Variants in RERE observed in about 807,000 individuals in gnomAD.
The protein encoded by RERE is arginine-glutamic acid dipeptide repeats protein.
In RERE, 40 loss-of-function variants were observed where a neutral mutation model predicts 146.1. That is an observed-to-expected ratio of 0.27 (90% confidence interval 0.21 to 0.36). The LOEUF (loss-of-function observed/expected upper bound fraction) is 0.36, where lower values mean the gene tolerates loss of function less well. Among genes scored for constraint, RERE ranks in the 10% least tolerant of loss-of-function variants. The probability of loss-of-function intolerance (pLI) is 1.00; values close to 1 mark genes in which losing one functional copy is unlikely to be tolerated. For synonymous variants in RERE, 1,003 were observed against 866.0 expected, an observed-to-expected ratio of 1.16 and a Z score of -2.78; for missense variants, 1,933 against 2,138.7, an observed-to-expected ratio of 0.90 and a Z score of 1.90.
intron 7 of RERE, among the ~76,000 whole-genome samples, chr1:8,510,434 A>C (rs547804023): frequency 5.9e-5 from 9 of 152,290 alleles, no homozygotes; most frequent in African/African-American, 1.7e-4. Flanking sequence ...TTCATCATAC[A>C]AGTCATCTTC....
rs1206229282 is a variant in RERE, at chr1:8,353,255, A to T, written c.*1832T>A. The T allele has an allele frequency of 6.6e-6, 1 of 152,434 alleles. No individual in the cohort carries two copies. Among genetic ancestry groups the T allele is most frequent in the African/African-American group, 2.4e-5 (1 of 41,482 alleles). The allele number at this position is 152,434 out of a possible 1,614,324, so 9.4% of individuals were successfully genotyped here. ...AAAAAAAACTAGAAACATTTTCAACAGACAAAACAAGCCTATCCCAACTGA... is the reference window on the plus strand; with the variant it reads ...AAAAAAAACTAGAAACATTTTCAACTGACAAAACAAGCCTATCCCAACTGA... On this transcript the variant is annotated 3_prime_UTR_variant, in exon 23 of 23. Transcript: ENST00000400908.
chr1:8,652,392 A>G (rs1647673869), intron 2 of RERE, among the ~76,000 whole-genome samples: 1 of 152,218 alleles, frequency 6.6e-6, no homozygotes, highest in Non-Finnish European at 1.5e-5. Flanking sequence ...TTCTTGCCCA[A>G]GCACTTTAAG....
At chr1:8,445,156 C>T (rs1644301498) in intron 11 of RERE, among the ~76,000 whole-genome samples, 4 of 152,124 alleles carry the variant, frequency 2.6e-5, no homozygotes, top group Admixed American at 2.6e-4. Context: ...TTGTATCTAC[C>T]TAAAGGAAGA....
At chr1:8,485,190 C>T (rs962945515) in intron 10 of RERE, among the ~76,000 whole-genome samples, 2 of 152,070 alleles carry the variant, frequency 1.3e-5, no homozygotes, top group African/African-American at 2.4e-5. Context: ...GGAGAAACCC[C>T]GTCTCTACTA....
chr1:8,385,862 G>A (rs1266202475), intron 12 of RERE, among the ~76,000 whole-genome samples: 1 of 148,060 alleles, frequency 6.8e-6, no homozygotes, highest in South Asian at 2.1e-4. Flanking sequence ...CCAGCCACTC[G>A]GGAGACTGAG....
At chr1:8,778,035 G>A (rs1027207708) in intron 1 of RERE, among the ~76,000 whole-genome samples, 1 of 152,058 alleles carries the variant, frequency 6.6e-6, no homozygotes, top group Non-Finnish European at 1.5e-5. Context: ...CCTGAAGAAT[G>A]GGTTATTAGA....
rs145808813 is a variant in RERE, at chr1:8,740,061, C to G, written c.-145+77099G>C. Among the ~76,000 whole-genome samples the G allele has an allele frequency of 4.6e-3, 700 of 152,170 alleles. 6 individuals are homozygous for G. Among genetic ancestry groups the G allele is most frequent in the African/African-American group, 0.016 (668 of 41,526 alleles). On this transcript the variant is annotated intron_variant, in intron 1 of 22. Transcript: ENST00000400908. ...TCATCATTCTTCAGCTCTCAACTCTCTTGCTCCAAGTTACTTGCCCCTGCT... is the reference window on the plus strand; with the variant it reads ...TCATCATTCTTCAGCTCTCAACTCTGTTGCTCCAAGTTACTTGCCCCTGCT...
chr1:8,765,791 A>G (rs1640834874), intron 1 of RERE, among the ~76,000 whole-genome samples: 1 of 152,204 alleles, frequency 6.6e-6, no homozygotes, highest in Non-Finnish European at 1.5e-5. Context: ...GTCTCTACTA[A>G]AAATACAAAA....
chr1:8,477,192 C>G (rs1445679163), intron 10 of RERE, among the ~76,000 whole-genome samples: 1 of 152,266 alleles, frequency 6.6e-6, no homozygotes, highest in African/African-American at 2.4e-5. Flanking sequence ...AATGCGAGAT[C>G]AGCCACAGAA....
At chr1:8,601,786 CACAGACACACAT>C (rs1646634418) in intron 4 of RERE, among the ~76,000 whole-genome samples, 1 of 151,358 alleles carries the variant, frequency 6.6e-6, no homozygotes, top group Non-Finnish European at 1.5e-5. Flanking sequence ...CAAACACACA[CACAGACACACAT>C]CTTCTATTAG....
chr1:8,806,654 T>C (rs1641699191), intron 1 of RERE: 1 of 152,144 alleles, frequency 6.6e-6, no homozygotes, highest in Non-Finnish European at 1.5e-5. Context: ...ATGCCTACTG[T>C]ACTCTTCGCA....
At chr1:8,548,722 C>G (rs1034694962) in intron 6 of RERE, among the ~76,000 whole-genome samples, 29 of 152,288 alleles carry the variant, frequency 1.9e-4, no homozygotes, top group African/African-American at 6.5e-4. Flanking sequence ...CAGTGGCTCA[C>G]GCCTGTAATC....
chr1:8,468,419 T>C (rs1048796590), intron 10 of RERE, among the ~76,000 whole-genome samples: 6 of 152,108 alleles, frequency 3.9e-5, no homozygotes, highest in Admixed American at 3.3e-4. Context: ...CAGGTCAACG[T>C]GGATTGGAAC....
At chr1:8,422,642 G>A in intron 12 of RERE, 85 bp downstream of exon 12, 2 of 1,048,532 alleles carry the variant, frequency 1.9e-6, no homozygotes, top group African/African-American at 1.6e-5. Context: ...AGGGTTAAAG[G>A]AAACCATTTC....
At chr1:8,767,730 G>A (rs1339176593) in intron 1 of RERE, among the ~76,000 whole-genome samples, 1 of 152,060 alleles carries the variant, frequency 6.6e-6, no homozygotes, top group Non-Finnish European at 1.5e-5. Context: ...GGGAGGCCAA[G>A]GCAGGCGGAT....
At chr1:8,759,567 C>T (rs981242750) in intron 1 of RERE, among the ~76,000 whole-genome samples, 6 of 152,198 alleles carry the variant, frequency 3.9e-5, no homozygotes, top group Non-Finnish European at 8.8e-5. Context: ...ATTCTTTCTT[C>T]TCTCCTTTGG....
intron 4 of RERE, among the ~76,000 whole-genome samples, chr1:8,603,938 C>CAAAAAA (rs61119278): frequency 0.029 from 3,585 of 124,500 alleles, 149 homozygotes; most frequent in East Asian, 0.11. Context: ...GACCCTGTCT[C>CAAAAAA]AAAAAAAAAA....
chr1:8,601,884 G>A (rs1557427494), intron 4 of RERE, among the ~76,000 whole-genome samples: 1 of 152,040 alleles, frequency 6.6e-6, no homozygotes, highest in East Asian at 1.9e-4. Flanking sequence ...TCGTTAACAA[G>A]GCCCTATGGC....
At chr1:8,597,277 C>G (rs1200148135) in intron 4 of RERE, among the ~76,000 whole-genome samples, 2 of 151,878 alleles carry the variant, frequency 1.3e-5, no homozygotes, top group Non-Finnish European at 2.9e-5. Context: ...TTTATAGTGA[C>G]GGGGTTTTGC....
Sources: gnomAD v4.1 joint callset for allele counts (sites outside exome capture counted in the v4.1 genomes callset) on GRCh38, gnomAD v4.1.1 for gene constraint, MANE v1.5 for transcripts, NCBI Gene and HGNC (gene_info 2026-07-23, HGNC 2026-07-21) for gene names.